Variants in MEGF9 observed in about 807,000 individuals in gnomAD.
The protein encoded by MEGF9 is multiple epidermal growth factor-like domains protein 9.
A neutral mutation model predicts 46.8 loss-of-function variants in MEGF9; 6 were observed. The ratio of observed to expected loss-of-function variants is 0.13; its 90% CI spans 0.07 to 0.25. The LOEUF is 0.25. MEGF9 is among the 10% of genes least tolerant of loss of function. MEGF9 has a pLI of 1.00. For synonymous variants in MEGF9, 302 were observed against 330.7 expected, an observed-to-expected ratio of 0.91 and a Z score of 0.94; for missense variants, 683 against 792.4, an observed-to-expected ratio of 0.86 and a Z score of 1.66.
Position 120,605,119 on chromosome 9 carries a change from TTGTC to T in MEGF9, c.*67_*70del. The T allele has an allele frequency of 6.8e-7, 1 of 1,461,380 alleles. No individual in the cohort carries two copies. Among genetic ancestry groups the T allele is most frequent in the Admixed American group, 2.2e-5 (1 of 44,850 alleles). 90.5% of individuals were successfully genotyped at this position (1,461,380 alleles called of 1,614,324 possible). ...TTTCTCAGCAAACTCTAGCCAGGCT[TTGTC>T]TGGCCCAGGGGCTGACTCTGTCTTA... On this transcript the variant is annotated 3_prime_UTR_variant, in exon 6 of 6. Coordinates refer to ENST00000373930, the MANE Select transcript of MEGF9 (RefSeq NM_001080497.3). The surrounding 1 kb of genome is among the most constrained non-coding windows in gnomAD (Gnocchi z 4.0).
At chr9:120,661,743 A>C (rs1053280841) in intron 1 of MEGF9, among the ~76,000 whole-genome samples, 1 of 152,350 alleles carries the variant, frequency 6.6e-6, no homozygotes, top group South Asian at 2.1e-4. Context: ...TTCACATGAT[A>C]GCTACTTTCT....
At chr9:120,615,955 T>C (rs1337980899) in intron 3 of MEGF9, among the ~76,000 whole-genome samples, 1 of 152,174 alleles carries the variant, frequency 6.6e-6, no homozygotes, top group Non-Finnish European at 1.5e-5. Flanking sequence ...TATTAATCAC[T>C]GTTTACATTG....
intron 1 of MEGF9, among the ~76,000 whole-genome samples, chr9:120,699,739 A>AG (rs2043895038): frequency 6.6e-6 from 1 of 151,492 alleles, no homozygotes; most frequent in Non-Finnish European, 1.5e-5. Flanking sequence ...AAAAAAAAAA[A>AG]AAAAAGTAAG....
At chr9:120,679,549 A>G (rs1311304066) in intron 1 of MEGF9, among the ~76,000 whole-genome samples, 1 of 152,062 alleles carries the variant, frequency 6.6e-6, no homozygotes, top group Non-Finnish European at 1.5e-5. Context: ...GGTGCACCAC[A>G]CCAACATGGC....
intron 2 of MEGF9, among the ~76,000 whole-genome samples, chr9:120,627,396 A>G (rs1353654114): frequency 6.6e-6 from 1 of 152,214 alleles, no homozygotes; most frequent in African/African-American, 2.4e-5. Context: ...GTATATTTTT[A>G]GGTATCACAT....
chr9:120,677,192 G>A (rs561412996), intron 1 of MEGF9, among the ~76,000 whole-genome samples: 12 of 151,906 alleles, frequency 7.9e-5, no homozygotes, highest in Non-Finnish European at 1.3e-4. Context: ...GCAGTGGCAC[G>A]ATCACAGCTC....
At position 120,612,533 on chromosome 9, in the gene MEGF9, C is replaced by G; in HGVS notation, c.950G>C (p.Cys317Ser). The G allele has an allele frequency of 6.2e-7, 1 of 1,608,270 alleles. No homozygotes were observed. The highest frequency in any genetic ancestry group is 8.5e-7 in the Non-Finnish European group (1 of 1,177,776). The stretch of plus-strand genomic sequence containing the variant: ...TTTGCTATTTTCCTGGCAGTTTAAA[C>G]AAGCACCTAAAAGAAGCAAATTATT... Reference protein sequence around the residue: ...SASCDALTGACLNCQENSKGN... With the variant: ...SASCDALTGASLNCQENSKGN... The change falls in exon 4 of 6, where the codon TGT becomes TCT. Residue 317 changes from cysteine (C) to serine (S), a missense_variant. Transcript: ENST00000373930.
chr9:120,615,913 T>C (rs1404131037), intron 3 of MEGF9, among the ~76,000 whole-genome samples: 1 of 151,946 alleles, frequency 6.6e-6, no homozygotes, highest in Middle Eastern at 3.4e-3. Context: ...ATAAATAAAT[T>C]AAAAAAAGAA....
intron 1 of MEGF9, chr9:120,691,368 T>A (rs746654586): frequency 4.7e-6 from 2 of 421,800 alleles, no homozygotes; most frequent in Non-Finnish European, 9.6e-6. Flanking sequence ...TTGGTATATA[T>A]TCAAAATTTT....
At chr9:120,651,460 G>C (rs889857022) in intron 2 of MEGF9, among the ~76,000 whole-genome samples, 48 of 152,098 alleles carry the variant, frequency 3.2e-4, no homozygotes, top group Middle Eastern at 3.4e-3. Context: ...CAGCAAATTA[G>C]GCAAATTACC....
rs932908821 is a variant in MEGF9, at chr9:120,643,577, T to C, written c.803+15797A>G. Among the ~76,000 whole-genome samples, 6 of 152,322 alleles carry C rather than the reference T, an allele frequency of 3.9e-5. No homozygotes were observed. The South Asian group carries it at 1.2e-3, about 32-fold the overall frequency. ...ATAATACTGTCTATACTCCCTTGAA[T>C]GACTGCTTCAAATAACAATTTTATT... On this transcript the variant is annotated intron_variant, in intron 2 of 5. Transcript: ENST00000373930.
intron 1 of MEGF9, chr9:120,689,798 G>A (rs2043840273): frequency 3.1e-6 from 1 of 320,806 alleles, no homozygotes; most frequent in African/African-American, 2.2e-5. Context: ...TAAAAATGTT[G>A]CCAGAGTTGT....
intron 2 of MEGF9, among the ~76,000 whole-genome samples, chr9:120,638,545 T>G (rs2043588909): frequency 6.6e-6 from 1 of 152,180 alleles, no homozygotes. Context: ...TAGGCAATAT[T>G]TGGGCATGAT....
intron 1 of MEGF9, among the ~76,000 whole-genome samples, chr9:120,667,918 C>T (rs1360704496): frequency 3.3e-5 from 5 of 152,040 alleles, no homozygotes; most frequent in Non-Finnish European, 5.9e-5. Flanking sequence ...CCATCTACTC[C>T]GGAGGCTGAG....
At chr9:120,625,896 T>C (rs2043523429) in intron 2 of MEGF9, among the ~76,000 whole-genome samples, 1 of 151,132 alleles carries the variant, frequency 6.6e-6, no homozygotes, top group Non-Finnish European at 1.5e-5. Context: ...AAGCTTTGCC[T>C]GTGTGACTTC....
chr9:120,672,960 T>C (rs1397648719), intron 1 of MEGF9, among the ~76,000 whole-genome samples: 1 of 152,058 alleles, frequency 6.6e-6, no homozygotes, highest in Non-Finnish European at 1.5e-5. Flanking sequence ...GAGGCAGAGG[T>C]TGCGGTGAAC....
intron 2 of MEGF9, among the ~76,000 whole-genome samples, chr9:120,655,596 T>C (rs1029830829): frequency 6.6e-6 from 1 of 152,108 alleles, no homozygotes; most frequent in Non-Finnish European, 1.5e-5. Context: ...ATATTCCACA[T>C]GAGATACTAA....
intron 2 of MEGF9, among the ~76,000 whole-genome samples, chr9:120,655,763 C>T (rs560461961): frequency 6.6e-6 from 1 of 152,252 alleles, no homozygotes; most frequent in South Asian, 2.1e-4. Flanking sequence ...ATGCTGAAAA[C>T]ATCACTTCCT....
intron 1 of MEGF9, among the ~76,000 whole-genome samples, chr9:120,701,136 AAAAC>A (rs1176153041): frequency 1.3e-5 from 2 of 151,714 alleles, no homozygotes; most frequent in African/African-American, 4.8e-5. Flanking sequence ...AGAAAAAAAA[AAAAC>A]AATTTCCAAA....
Sources: allele counts gnomAD v4.1 joint callset (sites outside exome capture counted in the v4.1 genomes callset), GRCh38; gene constraint gnomAD v4.1.1; non-coding constraint Gnocchi (gnomAD v3.1); transcripts MANE v1.5; gene names NCBI Gene and HGNC (gene_info 2026-07-23, HGNC 2026-07-21).